Variants in TPH2 observed in about 807,000 individuals in gnomAD.
TPH2 encodes the protein tryptophan hydroxylase 2.
In TPH2, 27 loss-of-function variants were observed where a neutral mutation model predicts 59.1. The ratio of observed to expected loss-of-function variants is 0.46; its 90% CI spans 0.34 to 0.63. The LOEUF (loss-of-function observed/expected upper bound fraction) is 0.63, where lower values mean the gene tolerates loss of function less well. TPH2 is among the 30% of genes least tolerant of loss of function. The pLI, the probability that TPH2 is intolerant of heterozygous loss-of-function variation, is 0.01. For missense variants in TPH2, 523 were observed against 588.3 expected, an observed-to-expected ratio of 0.89 and a Z score of 1.15; for synonymous variants, 220 against 210.5, an observed-to-expected ratio of 1.05 and a Z score of -0.39.
chr12:72,020,674 A>G (rs913004771), intron 8 of TPH2, among the ~76,000 whole-genome samples: 5 of 151,968 alleles, frequency 3.3e-5, no homozygotes, highest in African/African-American at 9.7e-5. Flanking sequence ...TTTAGTAGAG[A>G]TGGGGTTTCA....
intron 8 of TPH2, among the ~76,000 whole-genome samples, chr12:72,008,601 C>G (rs1274005885): frequency 2.0e-5 from 3 of 152,146 alleles, no homozygotes; most frequent in African/African-American, 7.2e-5. Flanking sequence ...CACACACATT[C>G]GGTGCTTAAT....
chr12:71,971,072 G>A (rs1005016061), intron 5 of TPH2, among the ~76,000 whole-genome samples: 2 of 152,170 alleles, frequency 1.3e-5, no homozygotes, highest in African/African-American at 2.4e-5. Flanking sequence ...TAGGGGATCT[G>A]TTTGATAGCC....
intron 5 of TPH2, among the ~76,000 whole-genome samples, chr12:71,966,971 G>A (rs1871835121): frequency 6.6e-6 from 1 of 152,148 alleles, no homozygotes; most frequent in African/African-American, 2.4e-5. Context: ...AAAAAAATGT[G>A]TAAGAAAAAT....
chr12:72,023,074 C>A (rs768654990), intron 9 of TPH2, among the ~76,000 whole-genome samples: 7 of 151,950 alleles, frequency 4.6e-5, no homozygotes, highest in Non-Finnish European at 1.0e-4. Context: ...TTTTAAAATA[C>A]AATAAAATGG....
intron 7 of TPH2, among the ~76,000 whole-genome samples, chr12:71,983,925 C>T (rs1204402523): frequency 6.6e-6 from 1 of 152,068 alleles, no homozygotes; most frequent in African/African-American, 2.4e-5. Flanking sequence ...AAGGTAGGAA[C>T]GATAACTCAC....
intron 8 of TPH2, among the ~76,000 whole-genome samples, chr12:72,013,078 A>G (rs1873143050): frequency 6.6e-6 from 1 of 152,200 alleles, no homozygotes; most frequent in Admixed American, 6.5e-5. Flanking sequence ...TTCTTCAATA[A>G]AAGTTGTTTT....
intron 7 of TPH2, among the ~76,000 whole-genome samples, chr12:71,986,102 G>A (rs1452328719): frequency 6.6e-6 from 1 of 152,162 alleles, no homozygotes; most frequent in Non-Finnish European, 1.5e-5. Flanking sequence ...GTGTCCTCAG[G>A]CAGAAGGACC....
intron 6 of TPH2, 147 bp downstream of exon 6, chr12:71,972,862 C>A: frequency 1.2e-6 from 1 of 830,776 alleles, no homozygotes; most frequent in Non-Finnish European, 1.9e-6. Context: ...TACCTGCGGC[C>A]ACCTGTGGGA....
At chr12:72,020,933 C>T (rs1404837576) in intron 8 of TPH2, among the ~76,000 whole-genome samples, 2 of 152,102 alleles carry the variant, frequency 1.3e-5, no homozygotes, top group Non-Finnish European at 1.5e-5. Flanking sequence ...TCAGAGATCA[C>T]CCTCACATCA....
rs146967917 is a variant in TPH2, at chr12:71,944,311, G to T, written c.273G>T (p.Met91Ile). ...LRLFQEKRVN[M>I]VHIESRKSRR... ...TTCCACAGGAAAAACGTGTCAACAT[G>T]GTTCATATTGAATCCAGGAAATCTC... The change falls in exon 3 of 11, where the codon ATG becomes ATT. Residue 91 changes from methionine to isoleucine, a missense_variant. Transcript: ENST00000333850. The T allele has an allele frequency of 6.2e-7, 1 of 1,613,770 alleles. No homozygotes were observed. Among genetic ancestry groups the T allele is most frequent in the Admixed American group, 1.7e-5 (1 of 59,968 alleles).
chr12:71,947,633 C>T (rs575330916), intron 4 of TPH2, among the ~76,000 whole-genome samples: 16 of 152,052 alleles, frequency 1.1e-4, no homozygotes, highest in African/African-American at 3.6e-4. Context: ...TCCGGTAACC[C>T]TATCCCTGGC....
intron 9 of TPH2, among the ~76,000 whole-genome samples, chr12:72,030,354 A>C (rs923255418): frequency 2.6e-5 from 4 of 152,142 alleles, no homozygotes; most frequent in African/African-American, 9.6e-5. Context: ...GGATATCTGC[A>C]TTTTCATAAG....
intron 8 of TPH2, among the ~76,000 whole-genome samples, chr12:72,005,162 G>A (rs965674302): frequency 6.6e-6 from 1 of 152,240 alleles, no homozygotes; most frequent in South Asian, 2.1e-4. Flanking sequence ...TCCAGACTAG[G>A]GGTAAGTAAG....
intron 9 of TPH2, among the ~76,000 whole-genome samples, chr12:72,030,001 A>C (rs889613234): frequency 6.6e-6 from 1 of 152,132 alleles, no homozygotes; most frequent in Non-Finnish European, 1.5e-5. Context: ...TGGAATCCAG[A>C]GGCTGGGATA....
intron 8 of TPH2, among the ~76,000 whole-genome samples, chr12:71,999,953 A>G (rs1872780694): frequency 6.6e-6 from 1 of 152,250 alleles, no homozygotes; most frequent in Non-Finnish European, 1.5e-5. Context: ...TCCTAAGAAA[A>G]GACAGCTATT....
intron 5 of TPH2, chr12:71,961,476 C>A: frequency 7.8e-7 from 1 of 1,289,350 alleles, no homozygotes; most frequent in Non-Finnish European, 1.0e-6. Context: ...TAGCTGTGTT[C>A]TGTCTCTTTC....
intron 8 of TPH2, among the ~76,000 whole-genome samples, chr12:72,012,980 C>T (rs1219333725): frequency 6.6e-6 from 1 of 152,038 alleles, no homozygotes; most frequent in Non-Finnish European, 1.5e-5. Context: ...TTGAAAGCAA[C>T]CCAAAAGATA....
chr12:71,982,698 C>T (rs7954568), intron 7 of TPH2, among the ~76,000 whole-genome samples: 2 of 152,100 alleles, frequency 1.3e-5, no homozygotes, highest in African/African-American at 2.4e-5. Flanking sequence ...AGTTCAACTT[C>T]TCTACTGTGT....
At chr12:72,020,567 C>G (rs963035830) in intron 8 of TPH2, among the ~76,000 whole-genome samples, 8 of 152,138 alleles carry the variant, frequency 5.3e-5, no homozygotes, top group African/African-American at 1.9e-4. Context: ...CAGCTCACTG[C>G]AACTTCCGTC....
Sources: gnomAD v4.1 joint callset for allele counts (sites outside exome capture counted in the v4.1 genomes callset) on GRCh38, gnomAD v4.1.1 for gene constraint, MANE v1.5 for transcripts, NCBI Gene and HGNC (gene_info 2026-07-23, HGNC 2026-07-21) for gene names.